The following SCNN1B variants were observed in gnomAD, a reference collection of about 807,000 sequenced individuals.
SCNN1B encodes the protein sodium channel epithelial 1 subunit beta, also known as epithelial sodium channel subunit beta.
A neutral mutation model predicts 65.3 loss-of-function variants in SCNN1B; 46 were observed. The observed-to-expected ratio is 0.70, with a 90% CI of 0.56 to 0.90. The LOEUF (loss-of-function observed/expected upper bound fraction) is 0.90, where lower values mean the gene tolerates loss of function less well. Ranked by LOEUF, SCNN1B falls within the 40% of genes least tolerant of loss-of-function variation. The pLI, the probability that SCNN1B is intolerant of heterozygous loss-of-function variation, is 0.00. For missense variants in SCNN1B, 751 were observed against 830.5 expected (o/e 0.90, Z 1.18); for synonymous variants, 349 against 330.6 (o/e 1.06, Z -0.60).
intron 2 of SCNN1B, among the ~76,000 whole-genome samples, chr16:23,295,007 C>CA (rs35413934): frequency 0.3 from 45,921 of 151,568 alleles, 7,989 homozygotes; most frequent in African/African-American, 0.49. Context: ...AACAAATAAA[C>CA]AAAAAAACTT....
intron 2 of SCNN1B, among the ~76,000 whole-genome samples, chr16:23,292,094 C>T (rs901402319): frequency 6.6e-6 from 1 of 151,946 alleles, no homozygotes; most frequent in South Asian, 2.1e-4. Context: ...CGGCTTTCAC[C>T]CTGCCCCCTG....
intron 1 of SCNN1B, among the ~76,000 whole-genome samples, chr16:23,333,545 A>G (rs1350770994): frequency 6.6e-6 from 1 of 152,262 alleles, no homozygotes; most frequent in Non-Finnish European, 1.5e-5. Context: ...TTTAAAAATA[A>G]CAATAGCTGC....
chr16:23,355,970 A>G (rs11860339), intron 4 of SCNN1B, among the ~76,000 whole-genome samples: 21,167 of 152,088 alleles, frequency 0.14, 2,218 homozygotes, highest in African/African-American at 0.29. Flanking sequence ...AGGAGGAAAA[A>G]GTTAAACAAG....
In SCNN1B at chr16:23,320,027, G is replaced by A. The variant is rs552314155; in HGVS notation, c.-9+17590G>A. On this transcript the variant is annotated intron_variant, in intron 1 of 12. Coordinates refer to ENST00000343070, the MANE Select transcript of SCNN1B (RefSeq NM_000336.3). ...CTCCCAAAGTGCTCAGATTACAGGC[G>A]TGAGCCACCTTGCCCGGCCACGTCT... 4.9e-4 allele frequency among the ~76,000 whole-genome samples: 74 copies of A among 152,266 alleles called. 2 individuals carry two copies. Among genetic ancestry groups the A allele is most frequent in the South Asian group, 3.3e-3 (16 of 4,820 alleles).
chr16:23,359,047 C>G (rs1962479294), intron 4 of SCNN1B, among the ~76,000 whole-genome samples: 1 of 152,200 alleles, frequency 6.6e-6, no homozygotes, highest in African/African-American at 2.4e-5. Context: ...TGCTTTCACT[C>G]TGGCAACAAA....
intron 1 of SCNN1B, among the ~76,000 whole-genome samples, chr16:23,281,461 A>G (rs1379228115): frequency 6.6e-6 from 1 of 152,154 alleles, no homozygotes; most frequent in African/African-American, 2.4e-5. Context: ...AAAACGATGG[A>G]ATAAGTTAAG....
chr16:23,283,448 G>A (rs2141967330), intron 1 of SCNN1B, among the ~76,000 whole-genome samples: 1 of 152,192 alleles, frequency 6.6e-6, no homozygotes, highest in South Asian at 2.1e-4. Context: ...CCTACAATTG[G>A]GCAAAATCAT....
intron 11 of SCNN1B, among the ~76,000 whole-genome samples, chr16:23,379,683 G>A (rs770251065): frequency 2.6e-4 from 40 of 152,316 alleles, no homozygotes; most frequent in Non-Finnish European, 5.4e-4. Context: ...TATAGCCCAG[G>A]CCACCCTGAT....
At chr16:23,281,901 A>G (rs1960789140) in intron 1 of SCNN1B, among the ~76,000 whole-genome samples, 2 of 152,116 alleles carry the variant, frequency 1.3e-5, no homozygotes, top group Admixed American at 1.3e-4. Flanking sequence ...CATAATAGTA[A>G]TACTTACTGG....
intron 3 of SCNN1B, 131 bp from the exon 4 acceptor site, chr16:23,355,168 C>A: frequency 2.4e-6 from 2 of 848,242 alleles, no homozygotes; most frequent in Non-Finnish European, 4.0e-6. Context: ...GAACGTTTCC[C>A]ACCACCAAGT....
chr16:23,320,436 G>A (rs548310205), intron 1 of SCNN1B, among the ~76,000 whole-genome samples: 4 of 152,318 alleles, frequency 2.6e-5, no homozygotes, highest in Admixed American at 2.6e-4. Context: ...TCCACACAAG[G>A]TGGGATTTTT....
At position 23,380,879 on chromosome 16, in the gene SCNN1B, C is replaced by T; in HGVS notation, c.*78C>T. 2 of 1,516,016 alleles carry T rather than the reference C, an allele frequency of 1.3e-6. No individual in the cohort carries two copies. The highest frequency in any genetic ancestry group is 1.8e-6 in the Non-Finnish European group (2 of 1,094,904). 93.9% of individuals were successfully genotyped at this position (1,516,016 alleles called of 1,614,324 possible). On this transcript the variant is annotated 3_prime_UTR_variant, in exon 13 of 13. Coordinates refer to ENST00000343070, the MANE Select transcript of SCNN1B (RefSeq NM_000336.3). This position sits in a 1 kb window ranked among gnomAD's most constrained non-coding sequence, Gnocchi z 5.4. ...TTGCCCGAGGCCTCACTGTATGGTG[C>T]CCTCTCCAAAGGGTCGGGAGGGTAG...
At chr16:23,358,357 G>C (rs1418627950) in intron 4 of SCNN1B, 2 of 152,174 alleles carry the variant, frequency 1.3e-5, no homozygotes, top group East Asian at 3.8e-4. Context: ...TGTAATGAAA[G>C]GGTCAAGGCT....
At chr16:23,375,700 C>G in intron 7 of SCNN1B, 38 bp from the exon 8 acceptor site, 2 of 1,400,296 alleles carry the variant, frequency 1.4e-6, no homozygotes, top group Non-Finnish European at 2.0e-6. Flanking sequence ...ACTGACCATG[C>G]CTGTGTTCTC....
chr16:23,368,209 G>T (rs1468863095), intron 5 of SCNN1B, among the ~76,000 whole-genome samples: 1 of 152,186 alleles, frequency 6.6e-6, no homozygotes, highest in African/African-American at 2.4e-5. Flanking sequence ...GATGAGCAAA[G>T]TGAGGACTTG....
intron 1 of SCNN1B, among the ~76,000 whole-genome samples, chr16:23,321,159 A>T (rs574295207): frequency 6.6e-6 from 1 of 152,322 alleles, no homozygotes; most frequent in South Asian, 2.1e-4. Context: ...ATTCTGCCTC[A>T]GCCTCCTAAG....
chr16:23,334,390 C>A (rs1230287354), intron 1 of SCNN1B, among the ~76,000 whole-genome samples: 3 of 152,130 alleles, frequency 2.0e-5, no homozygotes, highest in Non-Finnish European at 4.4e-5. Flanking sequence ...GAGTCATGGA[C>A]TATATACATG....
chr16:23,342,535 C>T lies in SCNN1B; in HGVS notation c.-8-6057C>T, dbSNP rs568555218. Among the ~76,000 whole-genome samples, 68 of 152,366 alleles carry T rather than the reference C, an allele frequency of 4.5e-4. 1 individual carries two copies. The highest frequency in any genetic ancestry group is 1.9e-3 in the South Asian group (9 of 4,822). On this transcript the variant is annotated intron_variant, in intron 1 of 12. Coordinates refer to ENST00000343070, the MANE Select transcript of SCNN1B (RefSeq NM_000336.3). ...TTGCTGGAATTATAGGCATGAGCCA[C>T]TGTGCCCAGCCTGCAATTCTGTTTC...
intron 1 of SCNN1B, among the ~76,000 whole-genome samples, chr16:23,305,384 G>A (rs1961173113): frequency 6.6e-6 from 1 of 150,858 alleles, no homozygotes; most frequent in South Asian, 2.1e-4. Context: ...CAGGCATGGT[G>A]GTTCACACCT....
Sources: allele counts gnomAD v4.1 joint callset (sites outside exome capture counted in the v4.1 genomes callset), GRCh38; gene constraint gnomAD v4.1.1; non-coding constraint Gnocchi (gnomAD v3.1); transcripts MANE v1.5; gene names NCBI Gene and HGNC (gene_info 2026-07-23, HGNC 2026-07-21).